UTP20: variants seen among roughly 807,000 people sequenced by gnomAD.
UTP20 encodes the protein small subunit processome component 20 homolog.
A neutral mutation model predicts 329.5 loss-of-function variants in UTP20; 164 were observed. That is an observed-to-expected ratio of 0.50 (90% CI 0.44 to 0.57). The LOEUF is 0.57. UTP20 is among the 20% of genes least tolerant of loss of function. The pLI, the probability that UTP20 is intolerant of heterozygous loss-of-function variation, is 0.00. For synonymous variants in UTP20, 1,151 were observed against 1,159.3 expected (o/e 0.99, Z 0.14); for missense variants, 3,055 against 3,284.2 (o/e 0.93, Z 1.71).
chr12:101,309,028 C>T (rs1026355098), intron 18 of UTP20, among the ~76,000 whole-genome samples: 3 of 152,066 alleles, frequency 2.0e-5, no homozygotes, highest in Non-Finnish European at 4.4e-5. Context: ...CCACTGCGCC[C>T]GGCCCAGCCC....
chr12:101,318,831 GA>G (rs35483128), intron 22 of UTP20, among the ~76,000 whole-genome samples: 4,005 of 97,614 alleles, frequency 0.041, 82 homozygotes, highest in African/African-American at 0.087. Flanking sequence ...ACTCCATCTT[GA>G]AAAAAAAAAA....
chr12:101,350,411 C>T (rs1869478393), intron 38 of UTP20, among the ~76,000 whole-genome samples: 1 of 152,170 alleles, frequency 6.6e-6, no homozygotes, highest in Non-Finnish European at 1.5e-5. Context: ...CCCACATTGG[C>T]CTCCCAAGTA....
chr12:101,355,255 C>A, intron 41 of UTP20, 137 bp downstream of exon 41: 1 of 952,148 alleles, frequency 1.1e-6, no homozygotes, highest in Non-Finnish European at 1.5e-6. Flanking sequence ...TCACAATTCA[C>A]CCCTCTACTC....
chr12:101,298,883 TTTCC>T (rs1289481279), intron 12 of UTP20, among the ~76,000 whole-genome samples: 1 of 151,804 alleles, frequency 6.6e-6, no homozygotes, highest in African/African-American at 2.4e-5. Flanking sequence ...TGTTTTTTTT[TTTCC>T]TTCCTTCCCC....
intron 21 of UTP20, 75 bp from the exon 22 acceptor site, chr12:101,317,403 T>C: frequency 1.3e-6 from 2 of 1,500,046 alleles, no homozygotes; most frequent in Non-Finnish European, 1.8e-6. Flanking sequence ...TGGACATCTC[T>C]CATGAACAGA....
At chr12:101,319,907 T>C (rs932655340) in intron 23 of UTP20, among the ~76,000 whole-genome samples, 1 of 152,174 alleles carries the variant, frequency 6.6e-6, no homozygotes, top group African/African-American at 2.4e-5. Context: ...ATGAATTATA[T>C]CATGGAAATT....
intron 10 of UTP20, 78 bp downstream of exon 10, chr12:101,292,182 G>C: frequency 6.8e-7 from 1 of 1,473,752 alleles, no homozygotes; most frequent in Admixed American, 2.2e-5. Flanking sequence ...GAATACAAGT[G>C]AAGTGTGACA....
In UTP20 at chr12:101,369,842, T is replaced by C. The variant is rs990604941; in HGVS notation, c.6506T>C (p.Leu2169Pro). The C allele has an allele frequency of 1.9e-6, 3 of 1,614,018 alleles. No homozygotes were observed. The highest frequency in any genetic ancestry group is 1.7e-5 in the Admixed American group (1 of 60,006). Residue 2169 changes from leucine to proline, a missense_variant, in exon 49 of 62, where the codon CTC becomes CCC. Leu to Pro is a moderately conservative substitution (Grantham distance 98). Around this residue, in one of 3 missense-constraint regions of UTP20, gnomAD observed 2,445 missense variants for 2,575.5 expected, o/e 0.95. Transcript: ENST00000261637. Reference sequence around the variant, plus strand: ...CTTCTGCTGAAGGACTATGCAAAGCTCGGGGCCGCCAGGGGCCAGAACTTC... The same window carrying C: ...CTTCTGCTGAAGGACTATGCAAAGCCCGGGGCCGCCAGGGGCCAGAACTTC... ...LFLLLKDYAK[L>P]GAARGQNFHL...
At chr12:101,369,287 A>T (rs1414418567) in intron 48 of UTP20, among the ~76,000 whole-genome samples, 1 of 152,212 alleles carries the variant, frequency 6.6e-6, no homozygotes, top group Non-Finnish European at 1.5e-5. Flanking sequence ...TGACCAACCT[A>T]TCCAAATCAT....
At chr12:101,310,596 A>AAAAAAAAAAAAAACAC (rs1872759422) in intron 19 of UTP20, among the ~76,000 whole-genome samples, 1 of 146,058 alleles carries the variant, frequency 6.8e-6, no homozygotes, top group Admixed American at 6.8e-5. Flanking sequence ...AAAAAAAAAA[A>AAAAAAAAAAAAAACAC]AATACATGTT....
intron 38 of UTP20, among the ~76,000 whole-genome samples, chr12:101,348,768 G>A (rs1166425255): frequency 5.2e-5 from 6 of 116,208 alleles, no homozygotes; most frequent in African/African-American, 1.7e-4. Context: ...TGGAGAGACA[G>A]GGTCTCCTTT....
chr12:101,307,294 TACACAC>T (rs35767250), intron 17 of UTP20, among the ~76,000 whole-genome samples: 2,767 of 146,932 alleles, frequency 0.019, 40 homozygotes, highest in East Asian at 0.083. Flanking sequence ...ACTTTTTGAA[TACACAC>T]ACACACACAC....
chr12:101,291,643 A>C, intron 8 of UTP20, 99 bp from the exon 9 acceptor site: 1 of 1,295,980 alleles, frequency 7.7e-7, no homozygotes, highest in Non-Finnish European at 1.0e-6. Context: ...TTCCAAAGCA[A>C]GAGAATGGGA....
chr12:101,334,962 C>A (rs1279516789), intron 29 of UTP20, among the ~76,000 whole-genome samples: 1 of 150,554 alleles, frequency 6.6e-6, no homozygotes, highest in Admixed American at 6.6e-5. Flanking sequence ...GAAAGCGAGA[C>A]CCTGTCTCAA....
chr12:101,368,277 C>T (rs566858639), intron 48 of UTP20, among the ~76,000 whole-genome samples: 28 of 151,856 alleles, frequency 1.8e-4, no homozygotes, highest in African/African-American at 3.4e-4. Context: ...GGACTACAGA[C>T]GCACACCACC....
At chr12:101,290,393 G>A in intron 7 of UTP20, 119 bp downstream of exon 7, 1 of 1,225,322 alleles carries the variant, frequency 8.2e-7, no homozygotes, top group African/African-American at 1.5e-5. Flanking sequence ...TAGATGAGGA[G>A]TGTTGGGTGT....
At position 101,357,153 on chromosome 12, in the gene UTP20, G is replaced by A. The variant is rs1291243981; in HGVS notation, c.5691+71G>A. 2.8e-6 allele frequency: 4 copies of A among 1,424,294 alleles called. No homozygotes were observed. The African/African-American group carries it at 4.3e-5, about 15-fold the overall frequency. The allele number at this position is 1,424,294 out of a possible 1,614,324, so 88.2% of individuals were successfully genotyped here. ...AATATTTGCAGCTTGAACACTGTAA[G>A]TTATGGAACTTTGGGCCTGTCTTTA... On this transcript the variant is annotated intron_variant, in intron 43 of 61. Coordinates refer to ENST00000261637, the MANE Select transcript of UTP20 (RefSeq NM_014503.3).
intron 50 of UTP20, 82 bp from the exon 51 acceptor site, chr12:101,370,976 G>T (rs974719848): frequency 4.4e-6 from 5 of 1,143,316 alleles, no homozygotes; most frequent in Non-Finnish European, 5.1e-6. Flanking sequence ...AATGTCCTGT[G>T]GTTGCTTTAG....
At chr12:101,320,400 A>G (rs1253623621) in intron 23 of UTP20, among the ~76,000 whole-genome samples, 1 of 151,990 alleles carries the variant, frequency 6.6e-6, no homozygotes, top group Non-Finnish European at 1.5e-5. Flanking sequence ...TACCAAAAAC[A>G]AAAAAATTAG....
Sources: gnomAD v4.1 joint callset for allele counts (sites outside exome capture counted in the v4.1 genomes callset) on GRCh38, gnomAD v4.1.1 for gene constraint, gnomAD v4.1.1 regional missense constraint, MANE v1.5 for transcripts, NCBI Gene and HGNC (gene_info 2026-07-23, HGNC 2026-07-21) for gene names.